Variants in NPSR1 observed in about 807,000 individuals in gnomAD.
NPSR1 encodes the protein neuropeptide S receptor 1.
In NPSR1, 48 loss-of-function variants were observed where a neutral mutation model predicts 46.9. That is an observed-to-expected ratio of 1.02 (90% confidence interval 0.81 to 1.30). The LOEUF (loss-of-function observed/expected upper bound fraction) is 1.30. NPSR1 is among the 50% of genes most tolerant of loss of function. The pLI is 0.00. For missense variants in NPSR1, 450 were observed against 449.5 expected (o/e 1.00, Z -0.01); for synonymous variants, 176 against 168.1 (o/e 1.05, Z -0.36).
chr7:34,775,522 G>A lies in NPSR1; in HGVS notation c.281-2940G>A, dbSNP rs532482670. Among the ~76,000 whole-genome samples the A allele has an allele frequency of 5.9e-5, 9 of 152,088 alleles. No individual in the cohort carries two copies. In the South Asian group the frequency reaches 1.7e-3, roughly 28 times the overall value. Reference sequence around the variant, plus strand: ...TTATAAGTTCTTGTTATTTGTTATTGGTCATAGTTCAATCTTGGTACATTG... The same window carrying A: ...TTATAAGTTCTTGTTATTTGTTATTAGTCATAGTTCAATCTTGGTACATTG... On this transcript the variant is annotated intron_variant, in intron 2 of 8. Coordinates refer to ENST00000360581, the MANE Select transcript of NPSR1 (RefSeq NM_207172.2).
At chr7:34,692,942 T>C (rs1793340201) in intron 2 of NPSR1, among the ~76,000 whole-genome samples, 1 of 152,140 alleles carries the variant, frequency 6.6e-6, no homozygotes, top group African/African-American at 2.4e-5. Flanking sequence ...GTGTTGGAGG[T>C]AGGGCCTGGT....
At chr7:34,851,222 T>C (rs1352643471), downstream of NPSR1, among the ~76,000 whole-genome samples, 1 of 151,894 alleles carries the variant, frequency 6.6e-6, no homozygotes, top group Admixed American at 6.6e-5. Flanking sequence ...AGTGGAGTCA[T>C]TAAATTGTTC....
At chr7:34,878,034 C>A (rs576362940) in intron 8 of NPSR1, 3 of 1,198,888 alleles carry the variant, frequency 2.5e-6, no homozygotes, top group East Asian at 2.5e-5. Flanking sequence ...ATAGGAAGAC[C>A]CAGGTCCCTA....
At chr7:34,802,457 C>A (rs1024843944) in intron 3 of NPSR1, among the ~76,000 whole-genome samples, 13 of 150,136 alleles carry the variant, frequency 8.7e-5, no homozygotes, top group African/African-American at 2.8e-4. Context: ...GAAAAACAAG[C>A]AATGGGGAAA....
chr7:34,696,710 T>G (rs1435776711), intron 2 of NPSR1, among the ~76,000 whole-genome samples: 3 of 151,842 alleles, frequency 2.0e-5, no homozygotes, highest in Non-Finnish European at 4.4e-5. Context: ...ATAAAAAGCA[T>G]ATGGAAGTAG....
intron 3 of NPSR1, among the ~76,000 whole-genome samples, chr7:34,791,649 A>G (rs1413024788): frequency 6.6e-6 from 1 of 152,100 alleles, no homozygotes; most frequent in Non-Finnish European, 1.5e-5. Context: ...TACAGATTCA[A>G]TGCATTCCCT....
At position 34,684,506 on chromosome 7, in the gene NPSR1, C is replaced by T. The variant is rs547275225; in HGVS notation, c.148-46C>T. On this transcript the variant is annotated intron_variant, in intron 1 of 8. Coordinates refer to ENST00000360581, the MANE Select transcript of NPSR1 (RefSeq NM_207172.2). Reference sequence around the variant, plus strand: ...GGGGCAGGCATTCTGTAAAGAACTCCAGTTCTCACTGGTACACTGGTTTTA... The same window carrying T: ...GGGGCAGGCATTCTGTAAAGAACTCTAGTTCTCACTGGTACACTGGTTTTA... The T allele has an allele frequency of 2.5e-6, 4 of 1,598,554 alleles. No homozygotes were observed. The African/African-American group carries it at 4.0e-5, about 16-fold the overall frequency.
intron 2 of NPSR1, among the ~76,000 whole-genome samples, chr7:34,747,738 G>A (rs1785282555): frequency 6.6e-6 from 1 of 152,188 alleles, no homozygotes; most frequent in African/African-American, 2.4e-5. Flanking sequence ...TTAATTGACT[G>A]CAATTAAGTT....
chr7:34,765,513 T>C (rs1786386155), intron 2 of NPSR1, among the ~76,000 whole-genome samples: 1 of 152,252 alleles, frequency 6.6e-6, no homozygotes, highest in Non-Finnish European at 1.5e-5. Context: ...GGAAGCAGTC[T>C]GGAGAGTTCT....
intron 2 of NPSR1, chr7:34,685,799 A>T (rs1261889395): frequency 3.1e-6 from 1 of 321,814 alleles, no homozygotes; most frequent in South Asian, 2.4e-5. Context: ...CAGGGTAAAC[A>T]TCCAAGGCAC....
intron 2 of NPSR1, among the ~76,000 whole-genome samples, chr7:34,705,356 G>T (rs1794048971): frequency 1.3e-5 from 2 of 151,618 alleles, no homozygotes; most frequent in Admixed American, 1.3e-4. Context: ...GAATCCAGGA[G>T]GTGGAGGTTG....
Position 34,827,409 on chromosome 7 carries a change from GC to G in NPSR1, c.489del (p.Arg164GlyfsTer5). On this transcript the variant is annotated frameshift_variant, in exon 5 of 9. Coordinates refer to ENST00000360581, the MANE Select transcript of NPSR1 (RefSeq NM_207172.2). LOFTEE classifies it high-confidence loss of function. The part of the protein sequence containing the change: ...PMKFLQGEKQ[A>X]RVLIVIAWSL... ...CTCTTTTCTTTGGGCAGAAAAGCAA[GC>G]CAGGGTCCTCATTGTGATCGCCTGG... 1.2e-6 allele frequency: 2 copies of G among 1,614,050 alleles called. No individual in the cohort carries two copies. The highest frequency in any genetic ancestry group is 2.2e-5 in the South Asian group (2 of 91,082).
At chr7:34,689,873 A>T (rs988277403) in intron 2 of NPSR1, among the ~76,000 whole-genome samples, 2 of 151,728 alleles carry the variant, frequency 1.3e-5, no homozygotes, top group East Asian at 3.9e-4. Flanking sequence ...GGTGCCCAGA[A>T]GGTCAAGGCA....
In NPSR1 at chr7:34,725,477, C is replaced by T. The variant is rs954567481; in HGVS notation, c.280+40793C>T. On this transcript the variant is annotated intron_variant, in intron 2 of 8. Coordinates refer to ENST00000360581, the MANE Select transcript of NPSR1 (RefSeq NM_207172.2). ...AAGGACAGAGACACTAGGTAATCTA[C>T]CCAGGCTGCACACCTCATAGACAGT... Among the ~76,000 whole-genome samples, 4 of 152,244 alleles carry T rather than the reference C, an allele frequency of 2.6e-5. No individual in the cohort carries two copies. In the South Asian group the frequency reaches 8.3e-4, roughly 32 times the overall value.
intron 2 of NPSR1, among the ~76,000 whole-genome samples, chr7:34,727,944 A>G (rs1283444632): frequency 6.6e-6 from 1 of 152,122 alleles, no homozygotes; most frequent in Non-Finnish European, 1.5e-5. Flanking sequence ...TGATGATAGG[A>G]AAGAGTGCTA....
intron 8 of NPSR1, among the ~76,000 whole-genome samples, chr7:34,867,247 G>A (rs1359769832): frequency 6.6e-6 from 1 of 151,854 alleles, no homozygotes; most frequent in Non-Finnish European, 1.5e-5. Context: ...ATGGGAGGAG[G>A]GATGGTGAGA....
Position 34,811,870 on chromosome 7 carries a change from T to G in NPSR1, c.478+7T>G, listed in dbSNP as rs373527092. On this transcript the variant is annotated splice_region_variant and intron_variant, in intron 4 of 8. Transcript: ENST00000360581. ...ATGAAGTTCCTTCAAGGAGGTGAGC[T>G]GGCTTTACCAGGTGCTCTTTCATAA... The G allele has an allele frequency of 3.7e-6, 6 of 1,604,624 alleles. No homozygotes were observed. The African/African-American group carries it at 6.7e-5, about 18-fold the overall frequency.
chr7:34,694,472 T>C (rs1299094742), intron 2 of NPSR1, among the ~76,000 whole-genome samples: 5 of 152,010 alleles, frequency 3.3e-5, no homozygotes, highest in African/African-American at 1.2e-4. Context: ...GGAGATGAAA[T>C]ATCTCTACAA....
intron 7 of NPSR1, among the ~76,000 whole-genome samples, chr7:34,847,556 G>A (rs1291607243): frequency 6.6e-6 from 1 of 152,180 alleles, no homozygotes; most frequent in Non-Finnish European, 1.5e-5. Context: ...AAAACCAGGA[G>A]AATGGATGGG....
Sources: gnomAD v4.1 joint callset for allele counts (sites outside exome capture counted in the v4.1 genomes callset) on GRCh38, gnomAD v4.1.1 for gene constraint, MANE v1.5 for transcripts, NCBI Gene and HGNC (gene_info 2026-07-23, HGNC 2026-07-21) for gene names.